Variants in NALF1 observed in about 807,000 individuals in gnomAD.
The protein encoded by NALF1 is NALCN channel auxiliary factor 1.
Under a neutral mutation model 48.4 loss-of-function variants are expected in NALF1, and 3 were observed. The observed-to-expected ratio is 0.06, with a 90% CI of 0.03 to 0.16. The LOEUF is 0.16. Ranked by LOEUF, NALF1 falls within the 10% of genes least tolerant of loss-of-function variation. NALF1 has a pLI of 1.00. For synonymous variants in NALF1, 262 were observed against 245.7 expected, an observed-to-expected ratio of 1.07 and a Z score of -0.62; for missense variants, 526 against 571.5, an observed-to-expected ratio of 0.92 and a Z score of 0.81.
chr13:107,198,473 C>T (rs962375682), intron 2 of NALF1, among the ~76,000 whole-genome samples: 1 of 152,218 alleles, frequency 6.6e-6, no homozygotes, highest in African/African-American at 2.4e-5. Flanking sequence ...TGGCTGAGCT[C>T]CCTCGATGCC....
intron 1 of NALF1, among the ~76,000 whole-genome samples, chr13:107,781,320 G>C (rs1877880130): frequency 1.3e-5 from 2 of 152,068 alleles, no homozygotes; most frequent in Admixed American, 1.3e-4. Context: ...GTATCTACTT[G>C]TAGCAGAGGC....
At chr13:107,171,209 G>T (rs1021637770) in intron 2 of NALF1, among the ~76,000 whole-genome samples, 2 of 152,172 alleles carry the variant, frequency 1.3e-5, no homozygotes, top group Non-Finnish European at 2.9e-5. Context: ...AGATCATAAC[G>T]TCATAGCTCT....
At chr13:107,592,967 G>A (rs1224098733) in intron 1 of NALF1, among the ~76,000 whole-genome samples, 2 of 151,776 alleles carry the variant, frequency 1.3e-5, no homozygotes, top group East Asian at 3.9e-4. Context: ...ATATAAGCAA[G>A]CATAAATCTT....
At chr13:107,277,141 G>T (rs1162087240) in intron 1 of NALF1, among the ~76,000 whole-genome samples, 1 of 152,112 alleles carries the variant, frequency 6.6e-6, no homozygotes, top group East Asian at 1.9e-4. Context: ...AAGGAATACT[G>T]AGTATCTGCC....
intron 1 of NALF1, among the ~76,000 whole-genome samples, chr13:107,310,152 G>A (rs571341160): frequency 6.6e-6 from 1 of 152,254 alleles, no homozygotes; most frequent in East Asian, 1.9e-4. Flanking sequence ...GCTCACGCCT[G>A]TAATCTCAGC....
At chr13:107,337,552 C>A (rs1036823298) in intron 1 of NALF1, among the ~76,000 whole-genome samples, 1 of 152,070 alleles carries the variant, frequency 6.6e-6, no homozygotes, top group Non-Finnish European at 1.5e-5. Flanking sequence ...GAATACTTTT[C>A]CTTCACATCA....
At chr13:107,769,156 G>C (rs1378441003) in intron 1 of NALF1, among the ~76,000 whole-genome samples, 4 of 148,358 alleles carry the variant, frequency 2.7e-5, no homozygotes, top group Non-Finnish European at 5.9e-5. Flanking sequence ...TCTAGAACTG[G>C]AAATACCATT....
At chr13:107,721,109 TACACACACACACACACACAC>T (rs66578211) in intron 1 of NALF1, among the ~76,000 whole-genome samples, 7 of 143,950 alleles carry the variant, frequency 4.9e-5, no homozygotes, top group Non-Finnish European at 9.1e-5. Flanking sequence ...CAGATCTCAA[TACACACACACACACACACAC>T]ACACACACAC....
At chr13:107,808,797 T>C (rs1013444985) in intron 1 of NALF1, among the ~76,000 whole-genome samples, 7 of 152,026 alleles carry the variant, frequency 4.6e-5, no homozygotes, top group African/African-American at 9.7e-5. Context: ...CTGCCTCAGA[T>C]CATAATATTA....
chr13:107,377,772 T>C (rs1265229040), intron 1 of NALF1, among the ~76,000 whole-genome samples: 1 of 152,186 alleles, frequency 6.6e-6, no homozygotes, highest in Non-Finnish European at 1.5e-5. Flanking sequence ...CAAAGTTACA[T>C]GGAAATGCAC....
chr13:107,281,559 T>C (rs1319944239), intron 1 of NALF1, among the ~76,000 whole-genome samples: 2 of 152,156 alleles, frequency 1.3e-5, no homozygotes, highest in Non-Finnish European at 2.9e-5. Context: ...GTGACGGTAA[T>C]TAGACACTTG....
chr13:107,348,426 AT>A (rs961087523), intron 1 of NALF1, among the ~76,000 whole-genome samples: 5 of 151,972 alleles, frequency 3.3e-5, no homozygotes, highest in East Asian at 3.9e-4. Context: ...GAAAATCTTA[AT>A]TTTTTTTTAA....
chr13:107,377,074 C>G (rs73590761), intron 1 of NALF1, among the ~76,000 whole-genome samples: 4,104 of 152,190 alleles, frequency 0.027, 155 homozygotes, highest in East Asian at 0.13. Context: ...CAAAAACCAC[C>G]AGAAAGCAGC....
At chr13:107,517,888 G>A (rs947881350) in intron 1 of NALF1, among the ~76,000 whole-genome samples, 5 of 151,294 alleles carry the variant, frequency 3.3e-5, no homozygotes, top group African/African-American at 1.2e-4. Flanking sequence ...GGAGGTGGAC[G>A]TTTCAGTGAG....
intron 1 of NALF1, among the ~76,000 whole-genome samples, chr13:107,673,165 G>T (rs1324620807): frequency 6.6e-6 from 1 of 152,108 alleles, no homozygotes; most frequent in East Asian, 1.9e-4. Flanking sequence ...CTTTCCAATA[G>T]CTTATTACTA....
At chr13:107,728,869 T>C (rs1043580485) in intron 1 of NALF1, among the ~76,000 whole-genome samples, 1 of 152,126 alleles carries the variant, frequency 6.6e-6, no homozygotes, top group African/African-American at 2.4e-5. Flanking sequence ...TAAAGGCTCA[T>C]AGCCAATAGG....
rs1015109441 is a variant in NALF1, at chr13:107,571,502, A to T, written c.915+294180T>A. Reference sequence around the variant, plus strand: ...ACCTGGGAGAGTGGTACGTCTGGGTAGATGGGAGCTCCGTGCCCCTGCCCC... The same window carrying T: ...ACCTGGGAGAGTGGTACGTCTGGGTTGATGGGAGCTCCGTGCCCCTGCCCC... On this transcript the variant is annotated intron_variant, in intron 1 of 2. Coordinates refer to ENST00000375915, the MANE Select transcript of NALF1 (RefSeq NM_001080396.3). 2.6e-5 allele frequency among the ~76,000 whole-genome samples: 4 copies of T among 152,190 alleles called. 1 individual carries two copies. The highest frequency in any genetic ancestry group is 9.6e-5 in the African/African-American group (4 of 41,464).
chr13:107,281,220 G>A (rs1352733961), intron 1 of NALF1, among the ~76,000 whole-genome samples: 1 of 152,120 alleles, frequency 6.6e-6, no homozygotes, highest in African/African-American at 2.4e-5. Context: ...ATATATTAGG[G>A]AATGTAAGAA....
At chr13:107,258,580 G>A (rs1880867634) in intron 1 of NALF1, among the ~76,000 whole-genome samples, 1 of 152,120 alleles carries the variant, frequency 6.6e-6, no homozygotes, top group African/African-American at 2.4e-5. Context: ...GAAATGTTAT[G>A]TATTTACCCA....
Sources: gnomAD v4.1 joint callset for allele counts (sites outside exome capture counted in the v4.1 genomes callset) on GRCh38, gnomAD v4.1.1 for gene constraint, MANE v1.5 for transcripts, NCBI Gene and HGNC (gene_info 2026-07-23, HGNC 2026-07-21) for gene names.